NRXN1: variants seen among roughly 807,000 people sequenced by gnomAD.
The protein encoded by NRXN1 is neurexin 1.
NRXN1 carries 39 observed loss-of-function variants against 150.9 expected under a neutral mutation model. That is an observed-to-expected ratio of 0.26 (90% CI 0.20 to 0.34). NRXN1 has a LOEUF of 0.34. Ranked by LOEUF, NRXN1 falls within the 10% of genes least tolerant of loss-of-function variation. NRXN1 has a pLI of 1.00. For synonymous variants in NRXN1, 924 were observed against 757.0 expected, an observed-to-expected ratio of 1.22 and a Z score of -3.62; for missense variants, 1,815 against 1,949.9, an observed-to-expected ratio of 0.93 and a Z score of 1.30.
At chr2:50,791,914 CTGT>C (rs761059462) in intron 5 of NRXN1, among the ~76,000 whole-genome samples, 3 of 152,060 alleles carry the variant, frequency 2.0e-5, no homozygotes, top group East Asian at 3.9e-4. Context: ...GCATACATTT[CTGT>C]TGTTGTTTCC....
rs563390306 is a variant in NRXN1 at position 50,212,359 on chromosome 2, T to C, written c.3546+24430A>G. ...ATATCAACACTTTAATTCCACAGAT[T>C]ATTTCACCCATTAAGTTAGCATTCC... On this transcript the variant is annotated intron_variant, in intron 18 of 22. Coordinates refer to ENST00000401669, the MANE Select transcript of NRXN1 (RefSeq NM_001330078.2). Among the ~76,000 whole-genome samples, 7 of 151,436 alleles carry C rather than the reference T, an allele frequency of 4.6e-5. No individual in the cohort carries two copies. In the South Asian group the frequency reaches 1.5e-3, roughly 31 times the overall value.
At chr2:50,221,152 G>A (rs750408687) in intron 18 of NRXN1, among the ~76,000 whole-genome samples, 11 of 150,332 alleles carry the variant, frequency 7.3e-5, no homozygotes, top group Non-Finnish European at 1.2e-4. Context: ...CTCATGGGCT[G>A]TGTATCGTGA....
intron 2 of NRXN1, among the ~76,000 whole-genome samples, chr2:50,996,663 A>G (rs185680585): frequency 6.6e-6 from 1 of 152,134 alleles, no homozygotes; most frequent in Non-Finnish European, 1.5e-5. Context: ...GACTTCCACC[A>G]GGGAAACCTC....
At chr2:50,215,951 T>C (rs1431400794) in intron 18 of NRXN1, among the ~76,000 whole-genome samples, 1 of 152,118 alleles carries the variant, frequency 6.6e-6, no homozygotes, top group African/African-American at 2.4e-5. Context: ...TTAAACCTCA[T>C]ATTCAGTTGG....
At chr2:50,868,910 A>G (rs1677355002) in intron 5 of NRXN1, among the ~76,000 whole-genome samples, 1 of 151,876 alleles carries the variant, frequency 6.6e-6, no homozygotes, top group South Asian at 2.1e-4. Flanking sequence ...AAGAAATATA[A>G]AAGCTTATCA....
intron 18 of NRXN1, among the ~76,000 whole-genome samples, chr2:50,151,460 A>C (rs2058691388): frequency 6.6e-6 from 1 of 151,776 alleles, no homozygotes; most frequent in South Asian, 2.1e-4. Flanking sequence ...TTTCTTCTCT[A>C]ATCACCCTAC....
chr2:50,228,416 T>A (rs962640823), intron 18 of NRXN1, among the ~76,000 whole-genome samples: 1 of 151,946 alleles, frequency 6.6e-6, no homozygotes, highest in Non-Finnish European at 1.5e-5. Flanking sequence ...GTAAAAGATG[T>A]CAAAGATGTA....
chr2:50,147,680 C>A (rs973526170), intron 18 of NRXN1, among the ~76,000 whole-genome samples: 3 of 151,698 alleles, frequency 2.0e-5, no homozygotes. Context: ...CATCCTCTAA[C>A]CCACTTGTAA....
intron 5 of NRXN1, among the ~76,000 whole-genome samples, chr2:50,704,482 C>T (rs1298750682): frequency 6.6e-6 from 1 of 151,676 alleles, no homozygotes; most frequent in Non-Finnish European, 1.5e-5. Flanking sequence ...AGTTACTTTT[C>T]TAAAGCATTA....
intron 2 of NRXN1, among the ~76,000 whole-genome samples, chr2:50,975,766 G>A (rs912330822): frequency 1.3e-5 from 2 of 151,954 alleles, no homozygotes; most frequent in African/African-American, 2.4e-5. Flanking sequence ...CCTTTCATAG[G>A]CCTGAGGATT....
intron 17 of NRXN1, among the ~76,000 whole-genome samples, chr2:50,445,037 G>A (rs546757560): frequency 7.9e-5 from 12 of 152,030 alleles, no homozygotes; most frequent in South Asian, 2.1e-4. Flanking sequence ...CACTGTGCCC[G>A]TAACTTGTTC....
chr2:50,066,843 T>C (rs181938471), intron 19 of NRXN1, among the ~76,000 whole-genome samples: 26 of 152,226 alleles, frequency 1.7e-4, no homozygotes, highest in African/African-American at 6.3e-4. Flanking sequence ...TTCAATTTTA[T>C]ATTATTGATA....
At chr2:50,293,790 G>C (rs1267308478) in intron 17 of NRXN1, among the ~76,000 whole-genome samples, 1 of 152,116 alleles carries the variant, frequency 6.6e-6, no homozygotes, top group Admixed American at 6.6e-5. Context: ...GTAAACTTGC[G>C]AGTTCAATGA....
At chr2:50,138,188 C>G (rs1211071093) in intron 18 of NRXN1, among the ~76,000 whole-genome samples, 1 of 152,186 alleles carries the variant, frequency 6.6e-6, no homozygotes, top group East Asian at 1.9e-4. Flanking sequence ...ATGATCTTCT[C>G]AGAGTCTCAT....
At chr2:49,943,845 T>C in intron 21 of NRXN1, 54 bp from the exon 22 acceptor site, 1 of 1,256,470 alleles carries the variant, frequency 8.0e-7, no homozygotes, top group Admixed American at 1.8e-5. Flanking sequence ...ACAGATTCTC[T>C]CATCTTTGTC....
chr2:50,511,706 C>T (rs145285475), intron 12 of NRXN1, among the ~76,000 whole-genome samples: 1 of 152,208 alleles, frequency 6.6e-6, no homozygotes, highest in Non-Finnish European at 1.5e-5. Context: ...TTAACCCTAA[C>T]TTGAGGCATG....
At chr2:50,694,210 T>A (rs962301363) in intron 5 of NRXN1, among the ~76,000 whole-genome samples, 8 of 152,216 alleles carry the variant, frequency 5.3e-5, no homozygotes, top group African/African-American at 7.2e-5. Context: ...TACTTGAATA[T>A]AATTAAACTT....
At chr2:50,590,289 T>G (rs528585215) in intron 8 of NRXN1, among the ~76,000 whole-genome samples, 27 of 152,344 alleles carry the variant, frequency 1.8e-4, no homozygotes, top group Admixed American at 1.6e-3. Flanking sequence ...GGTTATGGAA[T>G]GTGCTTGTAC....
chr2:50,290,921 T>C (rs2072842903), intron 17 of NRXN1, among the ~76,000 whole-genome samples: 1 of 152,110 alleles, frequency 6.6e-6, no homozygotes, highest in African/African-American at 2.4e-5. Context: ...AGGAACCCTT[T>C]CCAAACTGCA....
Sources: gnomAD v4.1 joint callset for allele counts (sites outside exome capture counted in the v4.1 genomes callset) on GRCh38, gnomAD v4.1.1 for gene constraint, MANE v1.5 for transcripts, NCBI Gene and HGNC (gene_info 2026-07-23, HGNC 2026-07-21) for gene names.